The following PEX6 variants were observed in gnomAD, a reference collection of about 807,000 sequenced individuals.
PEX6 encodes the protein peroxisome biogenesis factor 6.
In PEX6, 55 loss-of-function variants were observed where a neutral mutation model predicts 85.6. The ratio of observed to expected loss-of-function variants is 0.64; its 90% CI spans 0.52 to 0.80. The LOEUF is 0.80. Ranked by LOEUF, PEX6 falls within the 30% of genes least tolerant of loss-of-function variation. PEX6 has a pLI of 0.00. For missense variants in PEX6, 1,099 were observed against 1,260.3 expected (o/e 0.87, Z 1.94); for synonymous variants, 519 against 549.1 (o/e 0.95, Z 0.77).
intron 2 of PEX6, 143 bp from the exon 3 acceptor site, chr6:42,974,229 G>A: frequency 1.4e-6 from 1 of 697,620 alleles, no homozygotes; most frequent in Non-Finnish European, 2.6e-6. Context: ...CAAGGAACAA[G>A]TCAGTCTTAG....
At chr6:42,972,130 C>G (rs1241097010) in intron 3 of PEX6, among the ~76,000 whole-genome samples, 1 of 152,194 alleles carries the variant, frequency 6.6e-6, no homozygotes, top group Non-Finnish European at 1.5e-5. Context: ...CAAACAAGGA[C>G]TGTCTCTCCT....
Position 42,969,589 on chromosome 6 carries a change from A to G in PEX6, c.1367+79T>C, listed in dbSNP as rs1051407716. ...TCCCACTCTGGCCAGTTCATTAGGA[A>G]CTACCCATCTGGCTGCTGCTCCTCC... On this transcript the variant is annotated intron_variant, in intron 5 of 16. Transcript: ENST00000304611. The G allele has an allele frequency of 3.8e-6, 6 of 1,568,990 alleles. No individual in the cohort carries two copies. In the African/African-American group the frequency reaches 6.8e-5, roughly 18 times the overall value.
chr6:42,966,582 A>G lies in PEX6; in HGVS notation c.2037T>C (p.Phe679=), dbSNP rs761031201. ...AAGFPLLAED[F]GQALEQLQTA... is the part of the protein sequence containing the mutation. ...TCTGCAGTTGCTCCAGTGCCTGCCC[A>G]AAGTCCTCAGCCAGGAGAGGAAAGC... Residue 679 remains phenylalanine (F), a synonymous_variant, in exon 10 of 17, where the codon TTT becomes TTC. Transcript: ENST00000304611. 3 of 1,614,040 alleles carry G rather than the reference A, an allele frequency of 1.9e-6. No individual in the cohort carries two copies. Among genetic ancestry groups the G allele is most frequent in the South Asian group, 1.1e-5 (1 of 91,092 alleles).
rs765234960 is a variant in PEX6 at position 42,966,624 on chromosome 6, C to G, written c.1995G>C (p.Gly665=). The G allele has an allele frequency of 6.2e-7, 1 of 1,614,114 alleles. No individual in the cohort carries two copies. The highest frequency in any genetic ancestry group is 8.5e-7 in the Non-Finnish European group (1 of 1,180,030). Residue 665 remains glycine (G), a synonymous_variant, in exon 10 of 17, where the codon GGG becomes GGC. Transcript: ENST00000304611. ...LAGGLTEEDE[G]ELCAAGFPLL... The stretch of plus-strand genomic sequence containing the variant: ...GAGGAAAGCCGGCAGCACACAGCTC[C>G]CCCTCATCCTCCTCAGTCAAGCCAC...
At position 42,964,214 on chromosome 6, in the gene PEX6, G is replaced by C. The variant is rs539470181; in HGVS notation, c.*121C>G. ...TTTGCACCCTGGGATCTCCTGGAGG[G>C]AGGTGGCCTCCAGGTGGGTTGGCAG... On this transcript the variant is annotated 3_prime_UTR_variant, in exon 17 of 17. Coordinates refer to ENST00000304611, the MANE Select transcript of PEX6 (RefSeq NM_000287.4). The surrounding 1 kb of genome is among the most constrained non-coding windows in gnomAD (Gnocchi z 4.6). 8.9e-6 allele frequency: 10 copies of C among 1,122,978 alleles called. No homozygotes were observed. The South Asian group carries it at 1.3e-4, about 15-fold the overall frequency. The allele number at this position is 1,122,978 out of a possible 1,614,324, so 69.6% of individuals were successfully genotyped here. A position where few individuals can be genotyped will look rare whatever the true frequency, so the allele number is the denominator to read the frequency against.
intron 2 of PEX6, among the ~76,000 whole-genome samples, 196 bp from the exon 3 acceptor site, chr6:42,974,282 A>G (rs1411498008): frequency 6.6e-6 from 1 of 152,136 alleles, no homozygotes; most frequent in Non-Finnish European, 1.5e-5. Context: ...AAGGGGGATC[A>G]GAGACAGATG....
In PEX6 at chr6:42,978,308, A is replaced by G. The variant is rs758552465; in HGVS notation, c.843T>C (p.Leu281=). 1.2e-5 allele frequency: 19 copies of G among 1,614,084 alleles called. No individual in the cohort carries two copies. In the African/African-American group the frequency reaches 2.3e-4, roughly 19 times the overall value. ...CTCCCATTTCCAGGGGGTCACAGCCAAGATTAAAAGCCAAAGTGGCAGGGA... is the reference window on the plus strand; with the variant it reads ...CTCCCATTTCCAGGGGGTCACAGCCGAGATTAAAAGCCAAAGTGGCAGGGA... ...ALVPATLAFN[L]GCDPLEMGEL... Residue 281 remains leucine, a synonymous_variant, in exon 1 of 17, where the codon CTT becomes CTC. Transcript: ENST00000304611.
At chr6:42,976,448 C>T (rs1770304241) in intron 1 of PEX6, among the ~76,000 whole-genome samples, 1 of 152,090 alleles carries the variant, frequency 6.6e-6, no homozygotes, top group African/African-American at 2.4e-5. Context: ...CTGCAACTGC[C>T]ACCTCCCAGG....
chr6:42,973,064 A>C (rs1770123214), intron 3 of PEX6, among the ~76,000 whole-genome samples: 1 of 151,872 alleles, frequency 6.6e-6, no homozygotes, highest in Non-Finnish European at 1.5e-5. Context: ...CAGGCTGGAG[A>C]GCAGTGATGC....
intron 2 of PEX6, among the ~76,000 whole-genome samples, chr6:42,974,339 A>C (rs1418484912): frequency 1.3e-5 from 2 of 151,176 alleles, no homozygotes; most frequent in African/African-American, 4.9e-5. Context: ...CTTTAATCAC[A>C]GGTGTCTCTG....
Position 42,978,915 on chromosome 6 carries a change from G to A in PEX6, c.236C>T (p.Ala79Val). ...PGPPQLLVSRALLRLLALGSG... is the reference protein window; with the variant it reads ...PGPPQLLVSRVLLRLLALGSG... The stretch of plus-strand genomic sequence containing the variant: ...GCCCAGTGCCAGGAGCCGCAGCAGC[G>A]CGCGGCTAACCAGTAGCTGCGGCGG... The change falls in exon 1 of 17, where the codon GCG becomes GTG. Residue 79 changes from alanine (A) to valine (V), a missense_variant. Coordinates refer to ENST00000304611, the MANE Select transcript of PEX6 (RefSeq NM_000287.4). 1.3e-6 allele frequency: 2 copies of A among 1,488,210 alleles called. No homozygotes were observed. Among genetic ancestry groups the A allele is most frequent in the Admixed American group, 2.3e-5 (1 of 44,042 alleles). The allele number at this position is 1,488,210 out of a possible 1,614,324, so 92.2% of individuals were successfully genotyped here. A position where few individuals can be genotyped will look rare whatever the true frequency, so the allele number is the denominator to read the frequency against.
At chr6:42,975,594 T>TAG (rs1471156310) in intron 1 of PEX6, among the ~76,000 whole-genome samples, 1 of 152,134 alleles carries the variant, frequency 6.6e-6, no homozygotes, top group African/African-American at 2.4e-5. Flanking sequence ...TACTGCCCAG[T>TAG]AGAACTCTCT....
In PEX6 at chr6:42,967,618, G is replaced by A. The variant is rs1581762565; in HGVS notation, c.1689-55C>T. 1.4e-5 allele frequency: 22 copies of A among 1,517,266 alleles called. No individual in the cohort carries two copies. The South Asian group carries it at 2.4e-4, about 16-fold the overall frequency. The allele number at this position is 1,517,266 out of a possible 1,614,324, so 94.0% of individuals were successfully genotyped here. A position where few individuals can be genotyped will look rare whatever the true frequency, so the allele number is the denominator to read the frequency against. On this transcript the variant is annotated intron_variant, in intron 7 of 16. Transcript: ENST00000304611. ...GAGAACATGGCTGGCAGCTCCTGTGGACTGCCTTGTCCCAAAGTCGGCACA... is the reference window on the plus strand; with the variant it reads ...GAGAACATGGCTGGCAGCTCCTGTGAACTGCCTTGTCCCAAAGTCGGCACA...
chr6:42,974,782 C>G (rs1770216388), intron 2 of PEX6, 93 bp downstream of exon 2: 1 of 1,221,032 alleles, frequency 8.2e-7, no homozygotes, highest in African/African-American at 1.5e-5. Flanking sequence ...TTCTTTTAAC[C>G]AGGGCCTCTG....
rs146025917 is a variant in PEX6, at chr6:42,974,052, T to C, written c.1081A>G (p.Thr361Ala). The change falls in exon 3 of 17, where the codon ACA becomes GCA. Residue 361 changes from threonine to alanine, a missense_variant. By Grantham distance (58) the Thr-to-Ala change is moderately conservative (BLOSUM62 0). Around this residue, in one of 3 missense-constraint regions of PEX6, gnomAD observed 579 missense variants for 611.6 expected, o/e 0.95. Transcript: ENST00000304611. The part of the protein sequence containing the change: ...VQEGDVLCVP[T>A]IGQVEILEGS... ...TCCAGGATCTCTACTTGCCCAATTGTTGGCACACATAGAACATCCCCTTCC... is the reference window on the plus strand; with the variant it reads ...TCCAGGATCTCTACTTGCCCAATTGCTGGCACACATAGAACATCCCCTTCC... The C allele has an allele frequency of 3.7e-5, 60 of 1,614,120 alleles. No individual in the cohort carries two copies. The African/African-American group carries it at 7.3e-4, about 20-fold the overall frequency.
rs1770387261 is a variant in PEX6 at position 42,978,236 on chromosome 6, G to C, written c.882+33C>G. 8 of 1,611,238 alleles carry C rather than the reference G, an allele frequency of 5.0e-6. No homozygotes were observed. In the East Asian group the frequency reaches 1.8e-4, roughly 36 times the overall value. On this transcript the variant is annotated intron_variant, in intron 1 of 16. Transcript: ENST00000304611. ...GACAGAGAAGAGGGTATAAGAAAGA[G>C]GAAGCACTCCTGACCCCAGTCCTTT...
At position 42,968,324 on chromosome 6, in the gene PEX6, G is replaced by A. The variant is rs765678624; in HGVS notation, c.1654C>T (p.Arg552Cys). 1.4e-5 allele frequency: 23 copies of A among 1,613,982 alleles called. No individual in the cohort carries two copies. Among genetic ancestry groups the A allele is most frequent in the East Asian group, 6.7e-5 (3 of 44,896 alleles). Residue 552 changes from arginine to cysteine, a missense_variant, in exon 7 of 17, where the codon CGT (arginine) becomes TGT (cysteine). Physicochemically the swap from Arg to Cys is radical, Grantham distance 180 (BLOSUM62 -3). Transcript: ENST00000304611. ...GGGTCCTCATTGAGGAGGAGGTGAC[G>A]CAGCACAGCCATCACACGGGCATCC... ...GEDARVMAVLRHLLLNEDPLN... is the reference protein window; with the variant it reads ...GEDARVMAVLCHLLLNEDPLN...
At chr6:42,968,621 G>A in intron 6 of PEX6, 123 bp from the exon 7 acceptor site, 4 of 928,158 alleles carry the variant, frequency 4.3e-6, no homozygotes, top group Non-Finnish European at 6.7e-6. Flanking sequence ...GGACAGGGAA[G>A]GTACCCTGGC....
At chr6:42,977,073 G>A (rs138894555) in intron 1 of PEX6, among the ~76,000 whole-genome samples, 137 of 152,216 alleles carry the variant, frequency 9.0e-4, no homozygotes, top group African/African-American at 2.8e-3. Flanking sequence ...AGGGAAAGGA[G>A]GGTAGGATTT....
Sources: gnomAD v4.1 joint callset for allele counts (sites outside exome capture counted in the v4.1 genomes callset) on GRCh38, gnomAD v4.1.1 for gene constraint, gnomAD v4.1.1 regional missense constraint, Gnocchi (gnomAD v3.1) non-coding constraint, MANE v1.5 for transcripts, NCBI Gene and HGNC (gene_info 2026-07-23, HGNC 2026-07-21) for gene names.